Variants in SLC1A5 observed in about 807,000 individuals in gnomAD.
SLC1A5 encodes the protein neutral amino acid transporter B(0).
SLC1A5 carries 25 observed loss-of-function variants against 34.9 expected under a neutral mutation model. The ratio of observed to expected loss-of-function variants is 0.72; its 90% CI spans 0.52 to 1.00. SLC1A5 has a LOEUF of 1.00. Among genes scored for constraint, SLC1A5 ranks in the 50% least tolerant of loss-of-function variants. The pLI is 0.00. For synonymous variants in SLC1A5, 351 were observed against 341.2 expected, an observed-to-expected ratio of 1.03 and a Z score of -0.32; for missense variants, 637 against 740.0, an observed-to-expected ratio of 0.86 and a Z score of 1.61.
At chr19:46,784,798 C>CATTGT in intron 1 of SLC1A5, 1 of 1,428,708 alleles carries the variant, frequency 7.0e-7, no homozygotes, top group Non-Finnish European at 9.1e-7. Flanking sequence ...AGCCCTGAGG[C>CATTGT]ATTGTGGGTT....
At position 46,778,776 on chromosome 19, in the gene SLC1A5, C is replaced by T. The variant is rs761423407; in HGVS notation, c.957G>A (p.Leu319=). The part of the protein sequence containing the change: ...CLLGHAIHGL[L]VLPLIYFLFT... ...AGAGGAAGTAGATGAGGGGCAGTAC[C>T]AGGAGCCCATGGATGGCGTGACCCA... is the stretch of plus-strand genomic sequence containing the variant. The change falls in exon 5 of 8, where the codon CTG becomes CTA. Residue 319 remains leucine (L), a synonymous_variant. Coordinates refer to ENST00000542575, the MANE Select transcript of SLC1A5 (RefSeq NM_005628.3). The T allele has an allele frequency of 6.2e-6, 10 of 1,613,880 alleles. No individual in the cohort carries two copies. The Admixed American group carries it at 1.7e-4, about 27-fold the overall frequency.
rs2055076907 is a variant in SLC1A5 at position 46,775,379 on chromosome 19, G to A, written c.*131C>T. ...CATCCCAGATCTCCTGTCCTGGAGGGTGCTGGGGCCCCTGGCTCCCCAGAG... is the reference window on the plus strand; with the variant it reads ...CATCCCAGATCTCCTGTCCTGGAGGATGCTGGGGCCCCTGGCTCCCCAGAG... On this transcript the variant is annotated 3_prime_UTR_variant, in exon 8 of 8. Transcript: ENST00000542575. The A allele has an allele frequency of 6.6e-7, 1 of 1,508,532 alleles. No individual in the cohort carries two copies. The highest frequency in any genetic ancestry group is 2.3e-5 in the Admixed American group (1 of 43,844). The allele number at this position is 1,508,532 out of a possible 1,614,324, so 93.4% of individuals were successfully genotyped here.
In SLC1A5 at chr19:46,787,641, C is replaced by CCACCAGCGGCAAGATGAT. The variant is rs1404149848; in HGVS notation, c.307_324dup (p.Ile103_Val108dup). 1 of 1,583,606 alleles carries CCACCAGCGGCAAGATGAT rather than the reference C, an allele frequency of 6.3e-7. No homozygotes were observed. Among genetic ancestry groups the CCACCAGCGGCAAGATGAT allele is most frequent in the African/African-American group, 1.3e-5 (1 of 74,522 alleles). On this transcript the variant is annotated inframe_insertion, in exon 1 of 8. Transcript: ENST00000542575. This position sits in a 1 kb window ranked among gnomAD's most constrained non-coding sequence, Gnocchi z 5.2. ...GCGGCGCCGCCGATCAAGCTGCACACCACCAGCGGCAAGATGATCATCCGC... is the reference window on the plus strand; with the variant it reads ...GCGGCGCCGCCGATCAAGCTGCACACCACCAGCGGCAAGATGATCACCAGCGGCAAGATGATCATCCGC...
intron 4 of SLC1A5, among the ~76,000 whole-genome samples, chr19:46,780,476 C>T (rs1369947832): frequency 6.6e-6 from 1 of 152,008 alleles, no homozygotes; most frequent in Non-Finnish European, 1.5e-5. Flanking sequence ...GCCTCAGCCT[C>T]CTGAGTAGTA....
At chr19:46,780,937 C>T (rs914571212) in intron 4 of SLC1A5, among the ~76,000 whole-genome samples, 6 of 151,970 alleles carry the variant, frequency 3.9e-5, no homozygotes, top group Non-Finnish European at 8.8e-5. Context: ...TGCCACTGCA[C>T]CTCCAGCCTG....
At position 46,787,327 on chromosome 19, in the gene SLC1A5, C is replaced by G; in HGVS notation, c.566+73G>C. 1 of 1,541,370 alleles carries G rather than the reference C, an allele frequency of 6.5e-7. No homozygotes were observed. The highest frequency in any genetic ancestry group is 8.8e-7 in the Non-Finnish European group (1 of 1,142,470). Reference sequence around the variant, plus strand: ...GTCTCTGCTCCAGGGGCCCCAAAGCCCCGTCCTGTCCACGTGACCACTCCC... The same window carrying G: ...GTCTCTGCTCCAGGGGCCCCAAAGCGCCGTCCTGTCCACGTGACCACTCCC... On this transcript the variant is annotated intron_variant, in intron 1 of 7. Transcript: ENST00000542575. This position sits in a 1 kb window ranked among gnomAD's most constrained non-coding sequence, Gnocchi z 5.2.
chr19:46,782,351 A>ACCCCCCACCCC, intron 4 of SLC1A5, 32 bp downstream of exon 4: 1 of 256,186 alleles, frequency 3.9e-6, no homozygotes, highest in South Asian at 3.8e-5. Context: ...CTCCAACCCC[A>ACCCCCCACCCC]CCCACCCCCA....
chr19:46,775,462 G>A lies in SLC1A5; in HGVS notation c.*48C>T. Reference sequence around the variant, plus strand: ...CCATTTATCCATTCCTCATAATCCAGTGTCCAAAGAGCACCCCCAGCAGGG... The same window carrying A: ...CCATTTATCCATTCCTCATAATCCAATGTCCAAAGAGCACCCCCAGCAGGG... On this transcript the variant is annotated 3_prime_UTR_variant, in exon 8 of 8. Coordinates refer to ENST00000542575, the MANE Select transcript of SLC1A5 (RefSeq NM_005628.3). 1 of 1,558,462 alleles carries A rather than the reference G, an allele frequency of 6.4e-7. No homozygotes were observed. Among genetic ancestry groups the A allele is most frequent in the South Asian group, 1.2e-5 (1 of 80,890 alleles).
chr19:46,779,921 C>T (rs1248215094), intron 4 of SLC1A5, among the ~76,000 whole-genome samples: 2 of 151,090 alleles, frequency 1.3e-5, no homozygotes, highest in East Asian at 2.0e-4. Flanking sequence ...GGCATGATCT[C>T]GGCTCACTGC....
Position 46,782,290 on chromosome 19 carries a change from G to A in SLC1A5, c.824+93C>T, listed in dbSNP as rs1321950283. 4 of 987,896 alleles carry A rather than the reference G, an allele frequency of 4.0e-6. No homozygotes were observed. In the Admixed American group the frequency reaches 6.5e-5, roughly 16 times the overall value. The allele number at this position is 987,896 out of a possible 1,614,324, so 61.2% of individuals were successfully genotyped here. A position where few individuals can be genotyped will look rare whatever the true frequency, so the allele number is the denominator to read the frequency against. On this transcript the variant is annotated intron_variant, in intron 4 of 7. Coordinates refer to ENST00000542575, the MANE Select transcript of SLC1A5 (RefSeq NM_005628.3). ...TGGCTCCAAAGAGTGAATAGAGGGTGCCCCATCCCAAACAGAATGCCCCGC... is the reference window on the plus strand; with the variant it reads ...TGGCTCCAAAGAGTGAATAGAGGGTACCCCATCCCAAACAGAATGCCCCGC...
intron 1 of SLC1A5, among the ~76,000 whole-genome samples, chr19:46,785,768 A>G (rs1477650576): frequency 6.6e-6 from 1 of 152,194 alleles, no homozygotes; most frequent in Non-Finnish European, 1.5e-5. Context: ...ACGGTACAGT[A>G]AAATAACGTC....
Position 46,778,823 on chromosome 19 carries a change from T to C in SLC1A5, c.910A>G (p.Lys304Glu). The C allele has an allele frequency of 6.2e-7, 1 of 1,611,570 alleles. No homozygotes were observed. The highest frequency in any genetic ancestry group is 8.5e-7 in the Non-Finnish European group (1 of 1,178,844). Residue 304 changes from lysine (K) to glutamate (E), a missense_variant, in exon 5 of 8, where the codon AAG becomes GAG. Transcript: ENST00000542575. Reference protein sequence around the residue: ...DVGLLFARLGKYILCCLLGHA... With the variant: ...DVGLLFARLGEYILCCLLGHA... Reference sequence around the variant, plus strand: ...CCCAGCAGGCAGCACAGAATGTACTTGCCAAGGCGGGCAAAGAGTAAACCC... The same window carrying C: ...CCCAGCAGGCAGCACAGAATGTACTCGCCAAGGCGGGCAAAGAGTAAACCC...
In SLC1A5 at chr19:46,784,137, GT is replaced by G. The variant is rs777890693; in HGVS notation, c.616del (p.Thr206ProfsTer13). The G allele has an allele frequency of 4.9e-5, 79 of 1,612,776 alleles. 1 individual carries two copies. Among genetic ancestry groups the G allele is most frequent in the Non-Finnish European group, 6.7e-5 (79 of 1,178,980 alleles). On this transcript the variant is annotated frameshift_variant, in exon 3 of 8. Coordinates refer to ENST00000542575, the MANE Select transcript of SLC1A5 (RefSeq NM_005628.3). LOFTEE classifies it high-confidence loss of function. ...GGTGATATTCCTCTCTTCATAGGTGGTAGAGTACTGTAGGTGGGGTTGGGAA... is the reference window on the plus strand; with the variant it reads ...GGTGATATTCCTCTCTTCATAGGTGGAGAGTACTGTAGGTGGGGTTGGGAA... ...LVSAAFRSYS[T>X]TYEERNITGT...
chr19:46,783,912 G>A (rs313852), intron 3 of SLC1A5, among the ~76,000 whole-genome samples, 185 bp downstream of exon 3: 100,935 of 151,538 alleles, frequency 0.67, 34,040 homozygotes, highest in African/African-American at 0.76. Flanking sequence ...AAGAGCCTGG[G>A]CACCTGGGGT....
At chr19:46,780,385 G>A (rs1411032964) in intron 4 of SLC1A5, among the ~76,000 whole-genome samples, 3 of 150,332 alleles carry the variant, frequency 2.0e-5, no homozygotes, top group African/African-American at 2.4e-5. Context: ...AGACAGTCTC[G>A]TTCTGTTGCC....
chr19:46,786,225 G>A (rs557345487), intron 1 of SLC1A5, among the ~76,000 whole-genome samples: 2 of 152,188 alleles, frequency 1.3e-5, no homozygotes, highest in Non-Finnish European at 2.9e-5. Flanking sequence ...TATGACCGCT[G>A]GTATCTGGCC....
At chr19:46,778,076 A>T (rs1450915561) in intron 5 of SLC1A5, among the ~76,000 whole-genome samples, 4 of 152,138 alleles carry the variant, frequency 2.6e-5, no homozygotes, top group Non-Finnish European at 5.9e-5. Context: ...GCCAGCAGGG[A>T]TGAATGAAAT....
At position 46,778,713 on chromosome 19, in the gene SLC1A5, G is replaced by A. The variant is rs2055119488; in HGVS notation, c.1020C>T (p.Ile340=). 1.0e-5 allele frequency: 15 copies of A among 1,438,018 alleles called. No homozygotes were observed. The highest frequency in any genetic ancestry group is 6.9e-5 in the East Asian group (2 of 29,088). 89.1% of individuals were successfully genotyped at this position (1,438,018 alleles called of 1,614,324 possible). ...CAAAGGCAGTGGCCAGCGGCGTCACGATGCCCCACAGGAAGCGGTAGGGGT... is the reference window on the plus strand; with the variant it reads ...CAAAGGCAGTGGCCAGCGGCGTCACAATGCCCCACAGGAAGCGGTAGGGGT... ...RKNPYRFLWG[I]VTPLATAFGT... is the part of the protein sequence containing the mutation. Residue 340 remains isoleucine (I), a synonymous_variant, in exon 5 of 8, where the codon ATC becomes ATT. Coordinates refer to ENST00000542575, the MANE Select transcript of SLC1A5 (RefSeq NM_005628.3).
chr19:46,777,305 TG>T lies in SLC1A5; in HGVS notation c.1158del (p.Asn386LysfsTer27), dbSNP rs758326971. 62 of 1,613,652 alleles carry T rather than the reference TG, an allele frequency of 3.8e-5. No individual in the cohort carries two copies. The highest frequency in any genetic ancestry group is 5.0e-5 in the Non-Finnish European group (59 of 1,179,958). On this transcript the variant is annotated frameshift_variant, in exon 6 of 8. Transcript: ENST00000542575. LOFTEE classifies it high-confidence loss of function. ...RFILPIGATV[N>X]MDGAALFQCV... ...CACTGGAAGAGCGCGGCACCGTCCA[TG>T]TTGACGGTGGCGCCGATGGGCAGGA...
Sources: allele counts gnomAD v4.1 joint callset (sites outside exome capture counted in the v4.1 genomes callset), GRCh38; gene constraint gnomAD v4.1.1; non-coding constraint Gnocchi (gnomAD v3.1); transcripts MANE v1.5; gene names NCBI Gene and HGNC (gene_info 2026-07-23, HGNC 2026-07-21).